MYO16: variants seen among roughly 807,000 people sequenced by gnomAD.
The protein encoded by MYO16 is myosin XVI, also known as unconventional myosin-XVI.
Under a neutral mutation model 205.3 loss-of-function variants are expected in MYO16, and 94 were observed. That is an observed-to-expected ratio of 0.46 (90% CI 0.39 to 0.54). The LOEUF (loss-of-function observed/expected upper bound fraction) is 0.54, where lower values mean the gene tolerates loss of function less well. Among genes scored for constraint, MYO16 ranks in the 20% least tolerant of loss-of-function variants. The pLI is 0.00. For synonymous variants in MYO16, 988 were observed against 954.0 expected (o/e 1.04, Z -0.66); for missense variants, 2,315 against 2,387.5 (o/e 0.97, Z 0.63).
At chr13:109,021,443 A>G (rs537763481) in intron 23 of MYO16, among the ~76,000 whole-genome samples, 1 of 152,252 alleles carries the variant, frequency 6.6e-6, no homozygotes, top group Admixed American at 6.5e-5. Flanking sequence ...GCAAGGGAAA[A>G]TCATCTTCAC....
intron 9 of MYO16, among the ~76,000 whole-genome samples, chr13:108,842,224 A>C (rs1056944724): frequency 1.2e-4 from 19 of 152,180 alleles, no homozygotes; most frequent in Admixed American, 5.2e-4. Context: ...CAGTTACATC[A>C]GACTATAAGG....
intron 31 of MYO16, among the ~76,000 whole-genome samples, chr13:109,130,241 A>G (rs1876468837): frequency 6.6e-6 from 1 of 152,190 alleles, no homozygotes; most frequent in Admixed American, 6.5e-5. Flanking sequence ...TTTGTCTCAT[A>G]TGTGACTATA....
chr13:109,131,281 A>G (rs1341312119), intron 31 of MYO16, among the ~76,000 whole-genome samples: 3 of 152,224 alleles, frequency 2.0e-5, no homozygotes, highest in Non-Finnish European at 4.4e-5. Context: ...TCGGAGACCA[A>G]GGGCCAAGGA....
At chr13:108,950,833 T>C (rs908913446) in intron 16 of MYO16, among the ~76,000 whole-genome samples, 3 of 152,112 alleles carry the variant, frequency 2.0e-5, no homozygotes, top group African/African-American at 7.2e-5. Context: ...CACACTGCTG[T>C]GTGTTAACAC....
At chr13:108,590,045 C>T in the MYO16 span, among the ~76,000 whole-genome samples, 1 of 152,064 alleles carries the variant, frequency 6.6e-6, no homozygotes, top group African/African-American at 2.4e-5. Flanking sequence ...TTTCATAATC[C>T]ATATTATACT....
chr13:108,855,490 C>A lies in MYO16; in HGVS notation c.1296C>A (p.Ser432Arg). 1 of 1,597,108 alleles carries A rather than the reference C, an allele frequency of 6.3e-7. No individual in the cohort carries two copies. The highest frequency in any genetic ancestry group is 8.6e-7 in the Non-Finnish European group (1 of 1,166,860). The change falls in exon 11 of 35, where the codon AGC becomes AGA. Residue 432 changes from serine (S) to arginine (R), a missense_variant. By Grantham distance (110) the Ser-to-Arg change is moderately radical. Transcript: ENST00000457511. ...PAPNDDLATL[S>R]ELNDGSLLYE... is the part of the protein sequence containing the mutation. ...CAAACGATGACCTGGCAACGCTCAG[C>A]GAGCTCAATGATGGCAGCCTGCTCT...
At chr13:108,620,886 G>A (rs1435157987) in intron 1 of MYO16, among the ~76,000 whole-genome samples, 2 of 152,098 alleles carry the variant, frequency 1.3e-5, no homozygotes, top group East Asian at 3.8e-4. Context: ...AAGCTTCCTT[G>A]TCTCTATATG....
chr13:108,508,786 A>G, the MYO16 span, among the ~76,000 whole-genome samples: 1 of 152,176 alleles, frequency 6.6e-6, no homozygotes, highest in African/African-American at 2.4e-5. Context: ...AGGGTACTGC[A>G]GCTTCTTCAT....
chr13:108,601,010 C>CT (rs1324451297), intron 1 of MYO16, among the ~76,000 whole-genome samples: 2 of 151,950 alleles, frequency 1.3e-5, no homozygotes, highest in East Asian at 3.9e-4. Context: ...ATCCCAGGTC[C>CT]TTTTTACTTG....
intron 4 of MYO16, among the ~76,000 whole-genome samples, chr13:108,735,838 A>T (rs987513607): frequency 1.7e-3 from 262 of 151,988 alleles, no homozygotes; most frequent in Non-Finnish European, 3.0e-3. Context: ...CACCATTCTA[A>T]CTGGTGTGAG....
intron 12 of MYO16, among the ~76,000 whole-genome samples, chr13:108,878,018 C>T (rs1473955682): frequency 6.6e-6 from 1 of 152,144 alleles, no homozygotes; most frequent in Non-Finnish European, 1.5e-5. Flanking sequence ...GAGATCAACA[C>T]TTGTTTTCTT....
chr13:108,628,183 T>C (rs1879820861), upstream of MYO16, among the ~76,000 whole-genome samples: 1 of 152,168 alleles, frequency 6.6e-6, no homozygotes, highest in South Asian at 2.1e-4. Context: ...TTTAGACATA[T>C]TTTATTCCTG....
chr13:108,628,594 C>T (rs1014556997), upstream of MYO16, among the ~76,000 whole-genome samples: 3 of 152,158 alleles, frequency 2.0e-5, no homozygotes, highest in Non-Finnish European at 4.4e-5. Flanking sequence ...AAATCTTCAA[C>T]TTATTATTTT....
intron 10 of MYO16, among the ~76,000 whole-genome samples, chr13:108,847,553 T>C (rs1194347468): frequency 6.6e-6 from 1 of 152,184 alleles, no homozygotes; most frequent in Non-Finnish European, 1.5e-5. Flanking sequence ...GATAAATACA[T>C]CATGTGGAAA....
At chr13:109,132,206 G>A (rs1876573707) in intron 31 of MYO16, among the ~76,000 whole-genome samples, 1 of 152,216 alleles carries the variant, frequency 6.6e-6, no homozygotes, top group African/African-American at 2.4e-5. Context: ...TGAAATTGCA[G>A]AAGCAAGCTT....
intron 27 of MYO16, among the ~76,000 whole-genome samples, chr13:109,079,793 G>A (rs1888226087): frequency 6.6e-6 from 1 of 152,018 alleles, no homozygotes; most frequent in Admixed American, 6.5e-5. Flanking sequence ...AATTGCCCCT[G>A]GGGTGTCTTG....
chr13:108,752,543 T>C (rs1885269155), intron 4 of MYO16, among the ~76,000 whole-genome samples: 4 of 152,302 alleles, frequency 2.6e-5, no homozygotes, highest in Admixed American at 2.0e-4. Context: ...ATTAACCCAC[T>C]GCTCATTGAC....
intron 10 of MYO16, among the ~76,000 whole-genome samples, chr13:108,844,908 G>T (rs1401682414): frequency 1.3e-5 from 2 of 152,060 alleles, no homozygotes; most frequent in East Asian, 1.9e-4. Context: ...GTCATGCATT[G>T]CATGTGTATC....
intron 3 of MYO16, among the ~76,000 whole-genome samples, chr13:108,725,392 A>T (rs971375194): frequency 6.6e-6 from 1 of 152,048 alleles, no homozygotes; most frequent in Non-Finnish European, 1.5e-5. Flanking sequence ...GGTATTCAAT[A>T]TTTTTGTAAA....
Sources: allele counts gnomAD v4.1 joint callset (sites outside exome capture counted in the v4.1 genomes callset), GRCh38; gene constraint gnomAD v4.1.1; transcripts MANE v1.5; gene names NCBI Gene and HGNC (gene_info 2026-07-23, HGNC 2026-07-21).